WWOX: variants seen among roughly 807,000 people sequenced by gnomAD.
WWOX encodes WW domain containing oxidoreductase.
Under a neutral mutation model 46.2 loss-of-function variants are expected in WWOX, and 69 were observed. The ratio of observed to expected loss-of-function variants is 1.49; its 90% confidence interval spans 1.23 to 1.82. WWOX has a LOEUF of 1.82. WWOX is among the 40% of genes most tolerant of loss of function. The probability of loss-of-function intolerance (pLI) is 0.00; values close to 1 mark genes in which losing one functional copy is unlikely to be tolerated. For missense variants in WWOX, 919 were observed against 542.6 expected (o/e 1.69, Z -6.89); for synonymous variants, 359 against 202.6 (o/e 1.77, Z -6.56).
intron 8 of WWOX, among the ~76,000 whole-genome samples, chr16:78,752,889 A>G (rs12599398): frequency 0.48 from 72,699 of 152,190 alleles, 21,465 homozygotes; most frequent in Non-Finnish European, 0.64. Flanking sequence ...TCCTGGTCCC[A>G]TCTTGGCTGG....
At chr16:79,035,571 C>G (rs1050027819) in intron 8 of WWOX, among the ~76,000 whole-genome samples, 2 of 152,130 alleles carry the variant, frequency 1.3e-5, no homozygotes, top group African/African-American at 2.4e-5. Context: ...TGGAGTCTCA[C>G]TCTATCATCC....
intron 8 of WWOX, among the ~76,000 whole-genome samples, chr16:78,620,018 G>C (rs900433587): frequency 3.3e-5 from 5 of 152,090 alleles, no homozygotes; most frequent in Admixed American, 1.3e-4. Flanking sequence ...GAGAAAATGA[G>C]ACTAATCTCT....
intron 8 of WWOX, among the ~76,000 whole-genome samples, chr16:79,093,031 C>T (rs2048996010): frequency 6.6e-6 from 1 of 152,166 alleles, no homozygotes; most frequent in South Asian, 2.1e-4. Context: ...ATTACTTTTG[C>T]ACCACTACTT....
chr16:79,086,409 A>G (rs1380919351), intron 8 of WWOX, among the ~76,000 whole-genome samples: 2 of 152,222 alleles, frequency 1.3e-5, no homozygotes, highest in Non-Finnish European at 2.9e-5. Flanking sequence ...ATGTTTCTTG[A>G]TACATTTTGA....
chr16:79,049,950 C>G (rs759368152), intron 8 of WWOX, among the ~76,000 whole-genome samples: 1 of 151,904 alleles, frequency 6.6e-6, no homozygotes. Context: ...GGGAAAGACT[C>G]CAGGGCAAGA....
chr16:78,492,017 C>A (rs2084795645), intron 8 of WWOX, among the ~76,000 whole-genome samples: 1 of 95,764 alleles, frequency 1.0e-5, no homozygotes. Context: ...TTGCCATTCT[C>A]AATGGACAAA....
intron 8 of WWOX, among the ~76,000 whole-genome samples, chr16:78,843,548 G>C (rs2052217378): frequency 1.3e-5 from 2 of 150,018 alleles, no homozygotes; most frequent in Admixed American, 6.7e-5. Flanking sequence ...ACACAGAATG[G>C]TTGGAAATCA....
chr16:78,883,322 G>C (rs886880574), intron 8 of WWOX, among the ~76,000 whole-genome samples: 1 of 152,104 alleles, frequency 6.6e-6, no homozygotes, highest in Admixed American at 6.5e-5. Context: ...AATGCCATCC[G>C]GTGACATCCT....
At chr16:79,120,543 G>A (rs2049608268) in intron 8 of WWOX, among the ~76,000 whole-genome samples, 1 of 152,154 alleles carries the variant, frequency 6.6e-6, no homozygotes, top group South Asian at 2.1e-4. Flanking sequence ...ACGGCAAACT[G>A]AGTGACGTAA....
chr16:78,375,809 A>C (rs1423211173), intron 5 of WWOX, among the ~76,000 whole-genome samples: 1 of 152,162 alleles, frequency 6.6e-6, no homozygotes, highest in Non-Finnish European at 1.5e-5. Context: ...TGGAAACAAC[A>C]TAAAATAATA....
intron 8 of WWOX, among the ~76,000 whole-genome samples, chr16:78,469,200 C>G (rs914807650): frequency 6.6e-6 from 1 of 152,168 alleles, no homozygotes; most frequent in Non-Finnish European, 1.5e-5. Context: ...GATATTTATT[C>G]CCTCTCCTGA....
intron 4 of WWOX, among the ~76,000 whole-genome samples, chr16:78,122,038 G>A (rs367790173): frequency 6.6e-6 from 1 of 152,148 alleles, no homozygotes; most frequent in Admixed American, 6.5e-5. Flanking sequence ...GAGAGAGAGT[G>A]TGAGAGACCA....
At chr16:78,626,803 C>A (rs1030447546) in intron 8 of WWOX, among the ~76,000 whole-genome samples, 1 of 152,076 alleles carries the variant, frequency 6.6e-6, no homozygotes, top group Admixed American at 6.5e-5. Context: ...TTTATTTAAT[C>A]ATTTATTTAT....
chr16:78,392,662 C>T (rs555143973), intron 6 of WWOX, among the ~76,000 whole-genome samples: 2 of 152,266 alleles, frequency 1.3e-5, no homozygotes, highest in Admixed American at 6.5e-5. Flanking sequence ...ACATACTCTT[C>T]TGTCTCCTGA....
intron 8 of WWOX, among the ~76,000 whole-genome samples, chr16:78,446,402 A>T (rs1271041886): frequency 6.6e-6 from 1 of 152,118 alleles, no homozygotes; most frequent in Non-Finnish European, 1.5e-5. Flanking sequence ...TTGCTTTGAC[A>T]CGAGATGTTG....
chr16:78,361,084 A>C (rs1260329261), intron 5 of WWOX, among the ~76,000 whole-genome samples: 1 of 152,132 alleles, frequency 6.6e-6, no homozygotes, highest in Non-Finnish European at 1.5e-5. Context: ...CGGCTTCCCA[A>C]AGTGCTGGGA....
At chr16:78,615,789 T>C (rs1036451029) in intron 8 of WWOX, among the ~76,000 whole-genome samples, 4 of 151,942 alleles carry the variant, frequency 2.6e-5, no homozygotes, top group Admixed American at 6.6e-5. Flanking sequence ...CTCACTCTGT[T>C]GCCCAGGCTG....
At chr16:78,892,445 C>T (rs1325491707) in intron 8 of WWOX, 1 of 152,220 alleles carries the variant, frequency 6.6e-6, no homozygotes, top group African/African-American at 2.4e-5. Context: ...AAGAGACGTT[C>T]TAGGCCTGGT....
intron 6 of WWOX, among the ~76,000 whole-genome samples, chr16:78,387,708 C>G (rs561081662): frequency 4.6e-5 from 7 of 152,048 alleles, no homozygotes; most frequent in African/African-American, 1.7e-4. Flanking sequence ...TATTTTTACT[C>G]ATATTTAGGG....
Sources: allele counts gnomAD v4.1 joint callset (sites outside exome capture counted in the v4.1 genomes callset), GRCh38; gene constraint gnomAD v4.1.1; transcripts MANE v1.5; gene names NCBI Gene and HGNC (gene_info 2026-07-23, HGNC 2026-07-21).